DYDC1: variants seen among roughly 807,000 people sequenced by gnomAD.
DYDC1 encodes the protein DPY30 domain-containing protein 1.
A neutral mutation model predicts 27.9 loss-of-function variants in DYDC1; 21 were observed. The observed-to-expected ratio is 0.75, with a 90% CI of 0.53 to 1.08. DYDC1 has a LOEUF of 1.08. Among genes scored for constraint, DYDC1 ranks in the 50% least tolerant of loss-of-function variants. DYDC1 has a pLI of 0.00. For synonymous variants in DYDC1, 67 were observed against 65.8 expected (o/e 1.02, Z -0.09); for missense variants, 202 against 205.9 (o/e 0.98, Z 0.12).
intron 6 of DYDC1, among the ~76,000 whole-genome samples, chr10:80,336,766 C>T (rs549310899): frequency 1.9e-4 from 29 of 152,206 alleles, no homozygotes; most frequent in Non-Finnish European, 3.4e-4. Flanking sequence ...GACATTTAGG[C>T]TTCATCCTGA....
rs201594419 is a variant in DYDC1, at chr10:80,350,317, A to T, written c.249+1584T>A. On this transcript the variant is annotated intron_variant, in intron 3 of 6. Coordinates refer to ENST00000372202, the MANE Select transcript of DYDC1 (RefSeq NM_001269053.2). ...TAAAGTAGTCGAGCCGAAGAGAGTT[A>T]TGTATCTCCCACTTACGATGTAATT... Among the ~76,000 whole-genome samples, 5 of 152,224 alleles carry T rather than the reference A, an allele frequency of 3.3e-5. No individual in the cohort carries two copies. The East Asian group carries it at 9.6e-4, about 29-fold the overall frequency.
intron 6 of DYDC1, chr10:80,337,030 T>C: frequency 1.3e-6 from 1 of 753,158 alleles, no homozygotes; most frequent in Non-Finnish European, 1.6e-6. Flanking sequence ...CCCAGTGTGC[T>C]CTGCCTTTAT....
At chr10:80,338,416 T>C (rs1442556059) in intron 6 of DYDC1, 51 bp downstream of exon 6, 1 of 1,603,496 alleles carries the variant, frequency 6.2e-7, no homozygotes, top group Non-Finnish European at 8.5e-7. Flanking sequence ...GTAAAAAAAA[T>C]CAAAAACAAA....
At chr10:80,356,382 C>A (rs1843368604) in intron 1 of DYDC1, 1 of 985,660 alleles carries the variant, frequency 1.0e-6, no homozygotes, top group Non-Finnish European at 1.2e-6. Flanking sequence ...AGCCAGCCAG[C>A]CAGCCAACTG....
intron 6 of DYDC1, chr10:80,338,055 G>A (rs1842190832): frequency 2.0e-6 from 2 of 982,434 alleles, no homozygotes; most frequent in African/African-American, 1.7e-5. Context: ...GCATATGGAA[G>A]ATGTGGCATG....
intron 3 of DYDC1, among the ~76,000 whole-genome samples, chr10:80,347,292 T>A (rs1842717878): frequency 6.9e-6 from 1 of 145,474 alleles, no homozygotes; most frequent in African/African-American, 2.5e-5. Flanking sequence ...TTTTTTTTTT[T>A]TTTTTTTTTT....
chr10:80,345,833 A>G (rs763956902), intron 3 of DYDC1, among the ~76,000 whole-genome samples: 5 of 152,186 alleles, frequency 3.3e-5, no homozygotes, highest in African/African-American at 7.2e-5. Context: ...TGTGAGATAT[A>G]TATATACAAG....
rs1418648803 is a variant in DYDC1, at chr10:80,352,536, T to C, written c.66A>G (p.Ala22=). 6.2e-7 allele frequency: 1 copy of C among 1,613,690 alleles called. No individual in the cohort carries two copies. The highest frequency in any genetic ancestry group is 1.7e-5 in the Admixed American group (1 of 59,908). ...CTATCGGATCCACTGGGCGAACTCTTGCCACTTCTGCAAGACCTTGAGTTA... is the reference window on the plus strand; with the variant it reads ...CTATCGGATCCACTGGGCGAACTCTCGCCACTTCTGCAAGACCTTGAGTTA... The part of the protein sequence containing the change: ...ACLTQGLAEV[A]RVRPVDPIEY... Residue 22 remains alanine, a synonymous_variant, in exon 2 of 7, where the codon GCA becomes GCG. Coordinates refer to ENST00000372202, the MANE Select transcript of DYDC1 (RefSeq NM_001269053.2).
chr10:80,342,418 T>C, intron 3 of DYDC1, 57 bp from the exon 4 acceptor site: 1 of 1,545,942 alleles, frequency 6.5e-7, no homozygotes, highest in Non-Finnish European at 8.9e-7. Flanking sequence ...ATAATTAAGT[T>C]TATACCCACC....
rs754012851 is a variant in DYDC1, at chr10:80,342,316, T to C, written c.295A>G (p.Arg99Gly). The change falls in exon 4 of 7, where the codon AGG (arginine) becomes GGG (glycine). Residue 99 changes from arginine (R) to glycine (G), a missense_variant. Physicochemically the swap from Arg to Gly is moderately radical, Grantham distance 125 (BLOSUM62 -2). Coordinates refer to ENST00000372202, the MANE Select transcript of DYDC1 (RefSeq NM_001269053.2). ...CTCTGTAGTTCTTGTATTCTCTGCCTCTCCTTTTCTTGCATTTCCAACTCT... is the reference window on the plus strand; with the variant it reads ...CTCTGTAGTTCTTGTATTCTCTGCCCCTCCTTTTCTTGCATTTCCAACTCT... ...QLELEMQEKE[R>G]QRIQELQRAQ... is the part of the protein sequence containing the mutation. The C allele has an allele frequency of 1.2e-6, 2 of 1,613,978 alleles. No individual in the cohort carries two copies. Among genetic ancestry groups the C allele is most frequent in the South Asian group, 2.2e-5 (2 of 91,080 alleles).
intron 1 of DYDC1, chr10:80,356,170 C>T (rs1295146573): frequency 1.1e-6 from 1 of 892,430 alleles, no homozygotes; most frequent in African/African-American, 1.8e-5. Context: ...CAAGGCCTGC[C>T]AACTCCCTTA....
At chr10:80,354,869 C>T (rs1843260225) in intron 1 of DYDC1, among the ~76,000 whole-genome samples, 1 of 152,120 alleles carries the variant, frequency 6.6e-6, no homozygotes, top group Non-Finnish European at 1.5e-5. Context: ...GTTTTTAAGC[C>T]ACCCAGTGTT....
chr10:80,339,520 T>A (rs1181970786), intron 4 of DYDC1, among the ~76,000 whole-genome samples: 1 of 151,822 alleles, frequency 6.6e-6, no homozygotes, highest in Admixed American at 6.6e-5. Context: ...TTAAGTAGAG[T>A]TTTGCACATA....
intron 3 of DYDC1, among the ~76,000 whole-genome samples, chr10:80,350,133 G>A (rs991622676): frequency 3.3e-5 from 5 of 152,028 alleles, no homozygotes; most frequent in Admixed American, 6.6e-5. Flanking sequence ...AATCCACTCC[G>A]CTAACTGGCC....
intron 3 of DYDC1, among the ~76,000 whole-genome samples, chr10:80,349,380 C>T (rs1842854945): frequency 2.6e-5 from 4 of 152,140 alleles, no homozygotes; most frequent in African/African-American, 9.7e-5. Context: ...CATTTTCTCT[C>T]TTGTTATTCC....
chr10:80,356,439 C>A (rs1589527201), intron 1 of DYDC1: 1 of 985,334 alleles, frequency 1.0e-6, no homozygotes, highest in Non-Finnish European at 1.2e-6. Flanking sequence ...TTGTATCTGG[C>A]AACCTCCCGG....
intron 6 of DYDC1, chr10:80,337,329 C>T (rs938095703): frequency 7.1e-6 from 7 of 985,358 alleles, no homozygotes; most frequent in African/African-American, 5.2e-5. Context: ...AGTGCCAAAT[C>T]ATAGCTGACC....
chr10:80,342,136 A>T, intron 4 of DYDC1, 133 bp downstream of exon 4: 1 of 773,604 alleles, frequency 1.3e-6, no homozygotes, highest in Non-Finnish European at 2.0e-6. Context: ...AGACTTGTTT[A>T]GCTTACACAG....
At chr10:80,337,169 C>T (rs1409685337) in intron 6 of DYDC1, 1 of 985,426 alleles carries the variant, frequency 1.0e-6, no homozygotes. Flanking sequence ...AGGCTAATTC[C>T]TTGAACTTCA....
Sources: allele counts gnomAD v4.1 joint callset (sites outside exome capture counted in the v4.1 genomes callset), GRCh38; gene constraint gnomAD v4.1.1; transcripts MANE v1.5; gene names NCBI Gene and HGNC (gene_info 2026-07-23, HGNC 2026-07-21).